Variants in FAM13C observed in about 807,000 individuals in gnomAD.
FAM13C encodes the protein family with sequence similarity 13 member C, also known as protein FAM13C.
FAM13C carries 37 observed loss-of-function variants against 73.2 expected under a neutral mutation model. The ratio of observed to expected loss-of-function variants is 0.51; its 90% CI spans 0.39 to 0.67. The LOEUF is 0.67. FAM13C is among the 30% of genes least tolerant of loss of function. The probability of loss-of-function intolerance (pLI) is 0.00; values close to 1 mark genes in which losing one functional copy is unlikely to be tolerated. For synonymous variants in FAM13C, 246 were observed against 260.9 expected (o/e 0.94, Z 0.55); for missense variants, 589 against 715.6 (o/e 0.82, Z 2.02).
In FAM13C at chr10:59,307,483, C is replaced by T. The variant is rs116602701; in HGVS notation, c.444-4619G>A. Among the ~76,000 whole-genome samples, 820 of 152,280 alleles carry T rather than the reference C, an allele frequency of 5.4e-3. 13 individuals are homozygous for T. Among genetic ancestry groups the T allele is most frequent in the African/African-American group, 0.019 (782 of 41,540 alleles). Reference sequence around the variant, plus strand: ...CATTATTTTATTTAATCATCAAGGTCATCATATGAGACTAGCATTATTATA... The same window carrying T: ...CATTATTTTATTTAATCATCAAGGTTATCATATGAGACTAGCATTATTATA... On this transcript the variant is annotated intron_variant, in intron 4 of 13. Coordinates refer to ENST00000618804, the MANE Select transcript of FAM13C (RefSeq NM_198215.4).
At chr10:59,283,930 A>C (rs1219339452) in intron 5 of FAM13C, among the ~76,000 whole-genome samples, 1 of 152,024 alleles carries the variant, frequency 6.6e-6, no homozygotes, top group Non-Finnish European at 1.5e-5. Context: ...CAAAGCAAAG[A>C]CTGCAGCAAA....
chr10:59,269,267 C>G (rs1843428327), intron 7 of FAM13C, among the ~76,000 whole-genome samples: 1 of 152,034 alleles, frequency 6.6e-6, no homozygotes, highest in African/African-American at 2.4e-5. Context: ...ACGGAGAAAC[C>G]AGGGATTCCC....
intron 4 of FAM13C, among the ~76,000 whole-genome samples, chr10:59,319,194 T>C (rs1849904209): frequency 6.6e-6 from 1 of 152,082 alleles, no homozygotes; most frequent in Non-Finnish European, 1.5e-5. Flanking sequence ...ACTTCCTCTT[T>C]CTATAAAGCA....
intron 4 of FAM13C, among the ~76,000 whole-genome samples, chr10:59,316,893 A>T (rs747869902): frequency 8.5e-5 from 13 of 152,208 alleles, no homozygotes; most frequent in Non-Finnish European, 1.8e-4. Context: ...GCAATGTAAT[A>T]TAATTATGTA....
At chr10:59,304,226 GTTTAAGTTCC>G (rs2133875397) in intron 4 of FAM13C, among the ~76,000 whole-genome samples, 1 of 152,268 alleles carries the variant, frequency 6.6e-6, no homozygotes, top group South Asian at 2.1e-4. Flanking sequence ...TTGTAGATTT[GTTTAAGTTCC>G]TTATAGATGC....
At chr10:59,327,912 T>C (rs1335461324) in intron 3 of FAM13C, among the ~76,000 whole-genome samples, 1 of 152,190 alleles carries the variant, frequency 6.6e-6, no homozygotes, top group Non-Finnish European at 1.5e-5. Context: ...GTCTGTCAAA[T>C]GGTCAGATCC....
At chr10:59,347,552 AGTTCTGGG>A (rs1854473345) in intron 3 of FAM13C, among the ~76,000 whole-genome samples, 1 of 151,916 alleles carries the variant, frequency 6.6e-6, no homozygotes, top group African/African-American at 2.4e-5. Context: ...TTATACTTTA[AGTTCTGGG>A]GTACACGTGC....
intron 4 of FAM13C, among the ~76,000 whole-genome samples, chr10:59,314,853 A>G (rs1038244472): frequency 2.6e-5 from 4 of 152,202 alleles, no homozygotes; most frequent in African/African-American, 7.2e-5. Flanking sequence ...GCTGAAGAAA[A>G]GAGGCATCTA....
At chr10:59,361,924 T>G (rs1281436496) in intron 1 of FAM13C, among the ~76,000 whole-genome samples, 3 of 152,110 alleles carry the variant, frequency 2.0e-5, no homozygotes, top group African/African-American at 7.2e-5. Context: ...ACAAAAAGTT[T>G]ACTCTGATAT....
intron 5 of FAM13C, among the ~76,000 whole-genome samples, chr10:59,289,143 C>T (rs1284801767): frequency 2.0e-5 from 3 of 152,170 alleles, no homozygotes; most frequent in Admixed American, 1.3e-4. Flanking sequence ...AAAAGGAGCA[C>T]GCAACATAGA....
chr10:59,327,132 T>C (rs2134061056), intron 3 of FAM13C, among the ~76,000 whole-genome samples: 1 of 151,542 alleles, frequency 6.6e-6, no homozygotes, highest in Middle Eastern at 3.4e-3. Flanking sequence ...GCCTGGCATG[T>C]AACAACACAA....
intron 3 of FAM13C, among the ~76,000 whole-genome samples, chr10:59,328,696 C>G (rs1851512331): frequency 6.6e-6 from 1 of 152,132 alleles, no homozygotes; most frequent in African/African-American, 2.4e-5. Flanking sequence ...TGTGTCCACT[C>G]TCCCCAAATT....
At chr10:59,302,603 C>A (rs1054066452) in intron 5 of FAM13C, among the ~76,000 whole-genome samples, 198 bp downstream of exon 5, 2 of 152,176 alleles carry the variant, frequency 1.3e-5, no homozygotes, top group African/African-American at 4.8e-5. Context: ...AGCCACCTCA[C>A]AAACAGTATT....
intron 2 of FAM13C, among the ~76,000 whole-genome samples, chr10:59,353,299 C>G (rs917912725): frequency 6.6e-6 from 1 of 152,200 alleles, no homozygotes; most frequent in African/African-American, 2.4e-5. Context: ...ATTCTTCCCA[C>G]TTAAATCTAG....
intron 5 of FAM13C, among the ~76,000 whole-genome samples, chr10:59,300,082 C>T (rs567120625): frequency 1.3e-5 from 2 of 152,116 alleles, no homozygotes; most frequent in Non-Finnish European, 2.9e-5. Context: ...GAAACACACA[C>T]AGAGACAACA....
At chr10:59,315,118 G>T (rs1383005880) in intron 4 of FAM13C, among the ~76,000 whole-genome samples, 1 of 152,182 alleles carries the variant, frequency 6.6e-6, no homozygotes, top group African/African-American at 2.4e-5. Context: ...ACTATTATTT[G>T]TCTTGCAAAT....
chr10:59,299,894 C>T (rs1847373539), intron 5 of FAM13C, among the ~76,000 whole-genome samples: 1 of 151,866 alleles, frequency 6.6e-6, no homozygotes, highest in African/African-American at 2.4e-5. Context: ...ATACTCTAGT[C>T]CCAGAGACAA....
rs754719095 is a variant in FAM13C, at chr10:59,265,315, GT to G, written c.943-1150del. On this transcript the variant is annotated intron_variant, in intron 8 of 13. Coordinates refer to ENST00000618804, the MANE Select transcript of FAM13C (RefSeq NM_198215.4). ...GGGATGGCAGAGGGATAGGGAAGGGGTTTTGGCGGGGGGGGGGGGGAATCCT... is the reference window on the plus strand; with the variant it reads ...GGGATGGCAGAGGGATAGGGAAGGGGTTTGGCGGGGGGGGGGGGGAATCCT... Among the ~76,000 whole-genome samples the G allele has an allele frequency of 2.8e-4, 19 of 67,076 alleles. 1 individual carries two copies. Among genetic ancestry groups the G allele is most frequent in the African/African-American group, 1.5e-3 (19 of 12,558 alleles). The allele number at this position is 67,076 out of a possible 152,430, so 44.0% of individuals were successfully genotyped here.
intron 5 of FAM13C, among the ~76,000 whole-genome samples, chr10:59,299,579 G>A (rs1277750162): frequency 6.6e-6 from 1 of 151,040 alleles, no homozygotes; most frequent in East Asian, 1.9e-4. Context: ...TTTCTTAATT[G>A]GGACTGAAGC....
Sources: allele counts gnomAD v4.1 joint callset (sites outside exome capture counted in the v4.1 genomes callset), GRCh38; gene constraint gnomAD v4.1.1; transcripts MANE v1.5; gene names NCBI Gene and HGNC (gene_info 2026-07-23, HGNC 2026-07-21).